CDC27: variants seen among roughly 807,000 people sequenced by gnomAD.
CDC27 encodes the protein cell division cycle 27.
A neutral mutation model predicts 109.7 loss-of-function variants in CDC27; 27 were observed. The observed-to-expected ratio is 0.25, with a 90% CI of 0.18 to 0.34. The LOEUF is 0.34. CDC27 is among the 10% of genes least tolerant of loss of function. CDC27 has a pLI of 1.00. For synonymous variants in CDC27, 266 were observed against 333.9 expected (o/e 0.80, Z 2.22); for missense variants, 579 against 960.2 (o/e 0.60, Z 5.25).
At chr17:47,150,566 A>C (rs923486930) in intron 9 of CDC27, among the ~76,000 whole-genome samples, 1 of 152,208 alleles carries the variant, frequency 6.6e-6, no homozygotes, top group African/African-American at 2.4e-5. Context: ...GAAGGGGAAC[A>C]ACCCTGCCAA....
intron 15 of CDC27, among the ~76,000 whole-genome samples, chr17:47,130,480 A>T (rs1452613332): frequency 6.6e-6 from 1 of 152,256 alleles, no homozygotes; most frequent in Non-Finnish European, 1.5e-5. Context: ...ATTTTAAATA[A>T]CTTAAAATTT....
At chr17:47,159,939 G>C (rs1278695397) in intron 4 of CDC27, 3 of 364,000 alleles carry the variant, frequency 8.2e-6, no homozygotes, top group Non-Finnish European at 1.6e-5. Context: ...CCGTGGCCTC[G>C]GTCCCGGCCC....
intron 4 of CDC27, among the ~76,000 whole-genome samples, chr17:47,163,984 G>T (rs957191913): frequency 6.6e-6 from 1 of 152,072 alleles, no homozygotes; most frequent in African/African-American, 2.4e-5. Flanking sequence ...GGCTAGTCTC[G>T]AACTCTTGAC....
intron 4 of CDC27, among the ~76,000 whole-genome samples, chr17:47,166,323 G>C (rs1471599836): frequency 6.6e-6 from 1 of 152,068 alleles, no homozygotes; most frequent in East Asian, 1.9e-4. Flanking sequence ...CTATTTCTTA[G>C]GTGAGTTTTG....
rs999258512 is a variant in CDC27 at position 47,174,941 on chromosome 17, G to A, written c.104-2877C>T. Among the ~76,000 whole-genome samples, 16 of 151,614 alleles carry A rather than the reference G, an allele frequency of 1.1e-4. No homozygotes were observed. The East Asian group carries it at 1.2e-3, about 11-fold the overall frequency. On this transcript the variant is annotated intron_variant, in intron 2 of 18. Transcript: ENST00000066544. ...ACTGCACTCCAGCCTGGGCAACAGC[G>A]AAACTCGGTCGAAACAGGACTATCG...
intron 2 of CDC27, among the ~76,000 whole-genome samples, chr17:47,177,957 T>C (rs2064079581): frequency 1.3e-5 from 2 of 152,242 alleles, no homozygotes; most frequent in Non-Finnish European, 2.9e-5. Flanking sequence ...CTATTTGTTG[T>C]ATAGCACTTA....
rs2061965484 is a variant in CDC27, at chr17:47,120,869, A to G, written c.*66T>C. The G allele has an allele frequency of 1.7e-6, 2 of 1,147,402 alleles. No homozygotes were observed. The highest frequency in any genetic ancestry group is 2.4e-5 in the East Asian group (1 of 41,670). 71.1% of individuals were successfully genotyped at this position (1,147,402 alleles called of 1,614,324 possible). On this transcript the variant is annotated 3_prime_UTR_variant, in exon 19 of 19. Coordinates refer to ENST00000066544, the MANE Select transcript of CDC27 (RefSeq NM_001256.6). ...CAGCTCAAGAGTAAAGACTCAGTAT[A>G]CAGAGGGACAAGAAACACGTCAGCA... is the stretch of plus-strand genomic sequence containing the variant.
intron 4 of CDC27, among the ~76,000 whole-genome samples, chr17:47,166,964 C>T (rs917297770): frequency 2.0e-5 from 3 of 152,188 alleles, no homozygotes; most frequent in Admixed American, 6.6e-5. Flanking sequence ...AAGCAATTCT[C>T]GTGCCTCAGA....
At chr17:47,136,347 A>C (rs2062590967) in intron 14 of CDC27, among the ~76,000 whole-genome samples, 1 of 152,146 alleles carries the variant, frequency 6.6e-6, no homozygotes, top group Admixed American at 6.6e-5. Flanking sequence ...ACAAATCAAA[A>C]AATGTTTTAG....
intron 4 of CDC27, among the ~76,000 whole-genome samples, chr17:47,165,380 C>A (rs1783183670): frequency 6.6e-6 from 1 of 152,180 alleles, no homozygotes; most frequent in Non-Finnish European, 1.5e-5. Flanking sequence ...TTATTTTTAG[C>A]CATTGTATCT....
At chr17:47,184,206 G>A (rs910862787) in intron 1 of CDC27, among the ~76,000 whole-genome samples, 1 of 152,174 alleles carries the variant, frequency 6.6e-6, no homozygotes, top group African/African-American at 2.4e-5. Flanking sequence ...GATAAATGGA[G>A]TTTATTTATT....
At chr17:47,132,199 A>T (rs1404718054) in intron 15 of CDC27, 58 bp downstream of exon 15, 3 of 834,470 alleles carry the variant, frequency 3.6e-6, no homozygotes, top group Non-Finnish European at 5.7e-6. Flanking sequence ...TTAAATCAAT[A>T]ACAAACATAT....
chr17:47,171,838 G>A, intron 3 of CDC27, 79 bp downstream of exon 3: 2 of 941,638 alleles, frequency 2.1e-6, no homozygotes, highest in Admixed American at 2.6e-5. Flanking sequence ...GGGAATCAGA[G>A]TTTAATCTGA....
chr17:47,159,503 G>A, intron 4 of CDC27: 1 of 533,152 alleles, frequency 1.9e-6, no homozygotes, highest in Non-Finnish European at 3.3e-6. Context: ...CACCAGCACA[G>A]AGCCGCAGTG....
intron 2 of CDC27, 168 bp downstream of exon 2, chr17:47,181,394 A>G: frequency 5.1e-6 from 2 of 388,880 alleles, no homozygotes; most frequent in Non-Finnish European, 9.4e-6. Flanking sequence ...TATTAAAAGT[A>G]GTATGTAAGG....
chr17:47,160,518 AC>A (rs1390540907), intron 4 of CDC27, among the ~76,000 whole-genome samples: 2 of 152,072 alleles, frequency 1.3e-5, no homozygotes, highest in African/African-American at 4.8e-5. Flanking sequence ...GAGCCACAGC[AC>A]CTGGTCGCCT....
In CDC27 at chr17:47,120,232, A is replaced by G. The variant is rs962601426; in HGVS notation, c.*703T>C. On this transcript the variant is annotated 3_prime_UTR_variant, in exon 19 of 19. Transcript: ENST00000066544. ...AAGAAACAATTTTAAAGTTTGCAAT[A>G]CCAAGACAACAATGATCAACACTTT... The G allele has an allele frequency of 6.6e-6, 1 of 152,580 alleles. No homozygotes were observed. Among genetic ancestry groups the G allele is most frequent in the African/African-American group, 2.4e-5 (1 of 41,466 alleles). 9.5% of individuals were successfully genotyped at this position (152,580 alleles called of 1,614,324 possible). A position where few individuals can be genotyped will look rare whatever the true frequency, so the allele number is the denominator to read the frequency against.
intron 10 of CDC27, among the ~76,000 whole-genome samples, chr17:47,142,855 T>C (rs1044423507): frequency 1.3e-5 from 2 of 152,196 alleles, no homozygotes; most frequent in African/African-American, 4.8e-5. Flanking sequence ...ATTTTTATTT[T>C]GGAAGAGACT....
rs892989399 is a variant in CDC27, at chr17:47,120,611, G to T, written c.*324C>A. On this transcript the variant is annotated 3_prime_UTR_variant, in exon 19 of 19. Transcript: ENST00000066544. ...TCATCACTATTTTCCATATCTAATG[G>T]TTCCTTCAAGATAAAGCATAACTCT... 1 of 199,168 alleles carries T rather than the reference G, an allele frequency of 5.0e-6. No individual in the cohort carries two copies. Among genetic ancestry groups the T allele is most frequent in the Non-Finnish European group, 1.0e-5 (1 of 98,368 alleles). The allele number at this position is 199,168 out of a possible 1,614,324, so 12.3% of individuals were successfully genotyped here. A position where few individuals can be genotyped will look rare whatever the true frequency, so the allele number is the denominator to read the frequency against.
Sources: gnomAD v4.1 joint callset for allele counts (sites outside exome capture counted in the v4.1 genomes callset) on GRCh38, gnomAD v4.1.1 for gene constraint, MANE v1.5 for transcripts, NCBI Gene and HGNC (gene_info 2026-07-23, HGNC 2026-07-21) for gene names.